DEFB121: variants seen among roughly 807,000 people sequenced by gnomAD.
The protein encoded by DEFB121 is beta-defensin 121.
Under a neutral mutation model 2.5 loss-of-function variants are expected in DEFB121, and 5 were observed. The observed-to-expected ratio is 1.96, with a 90% CI of 1.03 to 4.13. The LOEUF (loss-of-function observed/expected upper bound fraction) is 4.13, where lower values mean the gene tolerates loss of function less well. DEFB121 is among the 30% of genes most tolerant of loss of function. DEFB121 has a pLI of 0.00. For synonymous variants in DEFB121, 39 were observed against 32.6 expected, an observed-to-expected ratio of 1.20 and a Z score of -0.67; for missense variants, 87 against 85.0, an observed-to-expected ratio of 1.02 and a Z score of -0.09.
upstream of DEFB121, among the ~76,000 whole-genome samples, chr20:31,406,715 T>C (rs1043518235): frequency 6.6e-6 from 1 of 152,290 alleles, no homozygotes; most frequent in Admixed American, 6.5e-5. Context: ...AGCCCTTACT[T>C]TTAACAGTAC....
At chr20:31,406,490 G>A (rs1029635479), upstream of DEFB121, among the ~76,000 whole-genome samples, 1 of 152,210 alleles carries the variant, frequency 6.6e-6, no homozygotes, top group African/African-American at 2.4e-5. Context: ...AAAAAAGAGA[G>A]AGAAAAAGAG....
chr20:31,407,456 ATGAATATTTTCATT>A (rs1978519057), upstream of DEFB121, among the ~76,000 whole-genome samples: 7 of 152,140 alleles, frequency 4.6e-5, no homozygotes, highest in South Asian at 1.5e-3. Context: ...TTAAGAGATG[ATGAATATTTTCATT>A]TGCCCTTCTG....
upstream of DEFB121, among the ~76,000 whole-genome samples, chr20:31,409,354 T>C (rs905573242): frequency 6.6e-6 from 1 of 152,176 alleles, no homozygotes; most frequent in African/African-American, 2.4e-5. Context: ...CAAAAGTCCA[T>C]TAATTAGTAA....
chr20:31,408,665 G>A (rs981192733), upstream of DEFB121, among the ~76,000 whole-genome samples: 1 of 152,088 alleles, frequency 6.6e-6, no homozygotes, highest in Non-Finnish European at 1.5e-5. Context: ...CTTATTTATA[G>A]ACACTCAAGT....
At chr20:31,415,713 A>AG (rs2122366586), upstream of DEFB121, among the ~76,000 whole-genome samples, 1 of 152,176 alleles carries the variant, frequency 6.6e-6, no homozygotes, top group Admixed American at 6.5e-5. Context: ...GCATTCAGGG[A>AG]GGGGTTCATG....
chr20:31,412,633 T>C, exon 1 of DEFB121: 3 of 1,290,958 alleles, frequency 2.3e-6, no homozygotes, highest in Non-Finnish European at 3.0e-6. Context: ...TTCCTTGACT[T>C]CTTGAAACAT....
chr20:31,414,421 G>A (rs986043842), upstream of DEFB121, among the ~76,000 whole-genome samples: 1 of 152,162 alleles, frequency 6.6e-6, no homozygotes, highest in African/African-American at 2.4e-5. Context: ...TGGCATTATT[G>A]ACCATAGCCA....
chr20:31,413,558 A>T (rs185183481), upstream of DEFB121, among the ~76,000 whole-genome samples: 832 of 152,318 alleles, frequency 5.5e-3, 6 homozygotes, highest in South Asian at 0.031. Context: ...ACTGCCCCAT[A>T]TCTCAGTGTG....
chr20:31,406,051 A>G (rs541858498), intron 1 of DEFB121, 44 bp downstream of exon 1: 46 of 1,609,304 alleles, frequency 2.9e-5, no homozygotes, highest in Middle Eastern at 3.4e-4. Context: ...CTGAACATGC[A>G]TCAGGTTTCC....
At chr20:31,411,266 A>G (rs1190973795) in intron 1 of DEFB121, among the ~76,000 whole-genome samples, 1 of 152,210 alleles carries the variant, frequency 6.6e-6, no homozygotes, top group East Asian at 1.9e-4. Context: ...CACCATTCTT[A>G]GATTCTGCTT....
exon 1 of DEFB121, chr20:31,412,682 C>T (rs1978697548): frequency 7.7e-7 from 1 of 1,290,694 alleles, no homozygotes; most frequent in African/African-American, 1.5e-5. Context: ...GCTCTTCTGG[C>T]TTTTCATTGT....
chr20:31,408,059 G>A (rs917935441), upstream of DEFB121, among the ~76,000 whole-genome samples: 21 of 152,246 alleles, frequency 1.4e-4, 1 homozygote, highest in East Asian at 3.9e-4. Context: ...GATTACAGGC[G>A]TGAGCCACTG....
chr20:31,406,729 T>C (rs1568739022), upstream of DEFB121, among the ~76,000 whole-genome samples: 1 of 152,184 alleles, frequency 6.6e-6, no homozygotes, highest in East Asian at 1.9e-4. Flanking sequence ...ACAGTACATA[T>C]TTAATAGGAA....
At chr20:31,411,632 C>G (rs987672525) in intron 1 of DEFB121, among the ~76,000 whole-genome samples, 9 of 150,236 alleles carry the variant, frequency 6.0e-5, no homozygotes, top group African/African-American at 2.2e-4. Flanking sequence ...GATTACAGAA[C>G]TACAAATGAA....
chr20:31,406,360 G>C (rs986046231), upstream of DEFB121: 8 of 1,123,194 alleles, frequency 7.1e-6, no homozygotes, highest in Non-Finnish European at 9.1e-6. Context: ...GCTGGGAGAG[G>C]GGGAAGGGAC....
chr20:31,405,255 C>T (rs1322611603), intron 1 of DEFB121, among the ~76,000 whole-genome samples, 170 bp from the exon 2 acceptor site: 5 of 152,118 alleles, frequency 3.3e-5, no homozygotes, highest in Non-Finnish European at 2.9e-5. Flanking sequence ...TAGACCACTA[C>T]GCTTTCTTCC....
chr20:31,412,995 T>C (rs916298442), upstream of DEFB121, among the ~76,000 whole-genome samples: 9 of 152,216 alleles, frequency 5.9e-5, no homozygotes, highest in Non-Finnish European at 1.0e-4. Flanking sequence ...TGGCCTCTTA[T>C]CTTTACTGTT....
the DEFB121 span, among the ~76,000 whole-genome samples, chr20:31,418,087 C>T: frequency 2.5e-4 from 38 of 149,528 alleles, no homozygotes; most frequent in South Asian, 5.0e-3. Flanking sequence ...GGTGAAACCC[C>T]GTCTCTACTA....
At chr20:31,406,532 G>A (rs960953025), upstream of DEFB121, among the ~76,000 whole-genome samples, 1 of 152,192 alleles carries the variant, frequency 6.6e-6, no homozygotes, top group Non-Finnish European at 1.5e-5. Context: ...ACTTCTCTGC[G>A]CCTTGGGTTC....
Sources: gnomAD v4.1 joint callset for allele counts (sites outside exome capture counted in the v4.1 genomes callset) on GRCh38, gnomAD v4.1.1 for gene constraint, MANE v1.5 for transcripts, NCBI Gene and HGNC (gene_info 2026-07-23, HGNC 2026-07-21) for gene names.